Variants in CSMD3 observed in about 807,000 individuals in gnomAD.
The protein encoded by CSMD3 is CUB and sushi domain-containing protein 3.
CSMD3 carries 177 observed loss-of-function variants against 435.2 expected under a neutral mutation model. That is an observed-to-expected ratio of 0.41 (90% confidence interval 0.36 to 0.46). CSMD3 has a LOEUF of 0.46. Ranked by LOEUF, CSMD3 falls within the 20% of genes least tolerant of loss-of-function variation. CSMD3 has a pLI of 0.34. For missense variants in CSMD3, 4,265 were observed against 4,504.6 expected, an observed-to-expected ratio of 0.95 and a Z score of 1.52; for synonymous variants, 1,656 against 1,520.5, an observed-to-expected ratio of 1.09 and a Z score of -2.07.
chr8:112,794,051 G>C (rs939451536), intron 13 of CSMD3, among the ~76,000 whole-genome samples: 13 of 151,992 alleles, frequency 8.6e-5, no homozygotes, highest in Admixed American at 7.2e-4. Context: ...ACAATTGAAA[G>C]ACCAAGTTCC....
At chr8:112,318,303 T>C (rs1329709810) in intron 47 of CSMD3, among the ~76,000 whole-genome samples, 1 of 152,034 alleles carries the variant, frequency 6.6e-6, no homozygotes, top group African/African-American at 2.4e-5. Context: ...AGCTTCCTGG[T>C]CTCTTTCCCT....
At chr8:112,560,433 G>A (rs1828518043) in intron 24 of CSMD3, among the ~76,000 whole-genome samples, 1 of 151,688 alleles carries the variant, frequency 6.6e-6, no homozygotes. Flanking sequence ...GTAATGCTCA[G>A]TAATGTTCAT....
intron 10 of CSMD3, among the ~76,000 whole-genome samples, chr8:112,920,995 GCGCACACACA>G (rs1357756336): frequency 5.5e-5 from 6 of 108,894 alleles, no homozygotes; most frequent in Admixed American, 5.4e-4. Context: ...ATACGCGCGC[GCGCACACACA>G]CACACACACA....
intron 1 of CSMD3, among the ~76,000 whole-genome samples, chr8:113,393,651 C>A (rs945382320): frequency 6.6e-6 from 1 of 152,052 alleles, no homozygotes; most frequent in Admixed American, 6.6e-5. Context: ...ACCGGTGGTA[C>A]AATTTTGTGT....
chr8:113,111,919 G>A (rs1588093729), intron 4 of CSMD3, among the ~76,000 whole-genome samples: 1 of 152,010 alleles, frequency 6.6e-6, no homozygotes, highest in African/African-American at 2.4e-5. Flanking sequence ...ACCTCTAAAC[G>A]ATCTGCCCGC....
intron 2 of CSMD3, among the ~76,000 whole-genome samples, chr8:113,305,190 T>C (rs2093809688): frequency 6.7e-6 from 1 of 150,262 alleles, no homozygotes; most frequent in Admixed American, 6.6e-5. Context: ...TTGGGAGATA[T>C]ACCTAATGAT....
rs2080640297 is a variant in CSMD3 at position 112,855,823 on chromosome 8, T to TTC, written c.1755+3321_1755+3322insGA. ...TCTTAGCGAAGCTTTTTTTTTTTTTTTTCTTTGTCTCAAGATCTGTCCCTG... is the reference window on the plus strand; with the variant it reads ...TCTTAGCGAAGCTTTTTTTTTTTTTTTCTTCTTTGTCTCAAGATCTGTCCCTG... On this transcript the variant is annotated intron_variant, in intron 11 of 70. Transcript: ENST00000297405. 2.7e-5 allele frequency among the ~76,000 whole-genome samples: 4 copies of TTC among 150,826 alleles called. No individual in the cohort carries two copies. The South Asian group carries it at 8.3e-4, about 31-fold the overall frequency.
At chr8:113,228,594 C>T (rs921011292) in intron 3 of CSMD3, among the ~76,000 whole-genome samples, 3 of 151,186 alleles carry the variant, frequency 2.0e-5, no homozygotes, top group Non-Finnish European at 4.4e-5. Flanking sequence ...AAAAACAGGG[C>T]CAAACATATG....
At chr8:113,109,581 G>A (rs2090577460) in intron 4 of CSMD3, among the ~76,000 whole-genome samples, 1 of 152,158 alleles carries the variant, frequency 6.6e-6, no homozygotes, top group African/African-American at 2.4e-5. Context: ...ATATTCTTTG[G>A]CTCAATGTTT....
intron 13 of CSMD3, among the ~76,000 whole-genome samples, chr8:112,698,417 A>T (rs896103227): frequency 5.3e-5 from 8 of 152,002 alleles, no homozygotes; most frequent in African/African-American, 1.9e-4. Flanking sequence ...GAGAGTCCTA[A>T]AAGCAATAAA....
At chr8:113,063,174 TA>T (rs567891578) in intron 5 of CSMD3, among the ~76,000 whole-genome samples, 76 of 140,908 alleles carry the variant, frequency 5.4e-4, no homozygotes, top group South Asian at 8.9e-4. Context: ...AAATAAAAAG[TA>T]AAAAAAAAAA....
intron 13 of CSMD3, among the ~76,000 whole-genome samples, chr8:112,729,959 C>T (rs2077041682): frequency 6.6e-6 from 1 of 152,062 alleles, no homozygotes; most frequent in Admixed American, 6.6e-5. Context: ...TACTAAGAAA[C>T]TAGTGTACTT....
chr8:112,412,348 G>A (rs1230857324), intron 32 of CSMD3, among the ~76,000 whole-genome samples: 1 of 91,782 alleles, frequency 1.1e-5, no homozygotes, highest in African/African-American at 4.8e-5. Context: ...CCTTTTGCAT[G>A]ATTAACAAGC....
chr8:112,705,593 T>C (rs557492903), intron 13 of CSMD3, among the ~76,000 whole-genome samples: 1 of 152,136 alleles, frequency 6.6e-6, no homozygotes. Flanking sequence ...CCTAGTCAGA[T>C]ACCCTAAAAA....
intron 19 of CSMD3, among the ~76,000 whole-genome samples, chr8:112,647,633 C>T (rs1182496330): frequency 6.6e-6 from 1 of 152,052 alleles, no homozygotes; most frequent in Non-Finnish European, 1.5e-5. Context: ...ATGCACCTAA[C>T]ACCTATTGTG....
chr8:113,384,762 G>A (rs2094432240), intron 1 of CSMD3, among the ~76,000 whole-genome samples: 1 of 152,132 alleles, frequency 6.6e-6, no homozygotes, highest in Admixed American at 6.5e-5. Context: ...AGGAACACAG[G>A]AAAATGCCAG....
chr8:113,056,412 T>C (rs1050970264), intron 5 of CSMD3, among the ~76,000 whole-genome samples: 1 of 152,226 alleles, frequency 6.6e-6, no homozygotes, highest in Non-Finnish European at 1.5e-5. Flanking sequence ...GATGTTTAAG[T>C]GTTTTCATTG....
intron 3 of CSMD3, among the ~76,000 whole-genome samples, chr8:113,235,942 C>T (rs1378693699): frequency 6.6e-6 from 1 of 152,108 alleles, no homozygotes; most frequent in Non-Finnish European, 1.5e-5. Flanking sequence ...GAACAAAAGC[C>T]CCTTATTCCT....
chr8:112,241,228 A>C (rs1338212318), intron 66 of CSMD3, among the ~76,000 whole-genome samples: 2 of 152,034 alleles, frequency 1.3e-5, no homozygotes. Flanking sequence ...ATATAAAATG[A>C]GATACATCAA....
Sources: gnomAD v4.1 joint callset for allele counts (sites outside exome capture counted in the v4.1 genomes callset) on GRCh38, gnomAD v4.1.1 for gene constraint, MANE v1.5 for transcripts, NCBI Gene and HGNC (gene_info 2026-07-23, HGNC 2026-07-21) for gene names.